The following RANBP2 variants were observed in gnomAD, a reference collection of about 807,000 sequenced individuals.
RANBP2 encodes the protein RAN binding protein 2, also known as E3 SUMO-protein ligase RanBP2.
RANBP2 carries 57 observed loss-of-function variants against 303.6 expected under a neutral mutation model. The ratio of observed to expected loss-of-function variants is 0.19; its 90% confidence interval spans 0.15 to 0.23. The LOEUF is 0.23. Among genes scored for constraint, RANBP2 ranks in the 10% least tolerant of loss-of-function variants. The pLI is 1.00. For synonymous variants in RANBP2, 1,167 were observed against 1,301.5 expected, an observed-to-expected ratio of 0.90 and a Z score of 2.23; for missense variants, 3,138 against 3,780.8, an observed-to-expected ratio of 0.83 and a Z score of 4.46.
chr2:109,286,513 C>T, the RANBP2 span, among the ~76,000 whole-genome samples: 1 of 152,310 alleles, frequency 6.6e-6, no homozygotes, highest in African/African-American at 2.4e-5. Flanking sequence ...CACCTGGGTG[C>T]AGAAGACCAA....
At chr2:109,398,700 C>G in the RANBP2 span, 1 of 1,612,072 alleles carries the variant, frequency 6.2e-7, no homozygotes. Context: ...CCAGCGTGGC[C>G]CCAAGTCCCA....
chr2:109,176,796 T>G, the RANBP2 span, among the ~76,000 whole-genome samples: 1 of 152,140 alleles, frequency 6.6e-6, no homozygotes, highest in Non-Finnish European at 1.5e-5. Flanking sequence ...TGGCAGAAGT[T>G]AGGCTCAGCC....
At chr2:108,948,719 T>C in the RANBP2 span, among the ~76,000 whole-genome samples, 3 of 152,098 alleles carry the variant, frequency 2.0e-5, no homozygotes, top group Non-Finnish European at 2.9e-5. Context: ...GGAAAACTGC[T>C]CCCATGATCC....
At chr2:109,666,577 G>T in the RANBP2 span, among the ~76,000 whole-genome samples, 6 of 152,192 alleles carry the variant, frequency 3.9e-5, no homozygotes, top group Non-Finnish European at 5.9e-5. Flanking sequence ...AATGTACAGT[G>T]TTTGCCCTTG....
the RANBP2 span, among the ~76,000 whole-genome samples, chr2:109,602,177 C>G: frequency 6.6e-6 from 1 of 152,130 alleles, no homozygotes; most frequent in Non-Finnish European, 1.5e-5. Context: ...TAACAATTTT[C>G]TAAGATCCCT....
At chr2:108,883,024 A>G in the RANBP2 span, 1 of 152,230 alleles carries the variant, frequency 6.6e-6, no homozygotes, top group African/African-American at 2.4e-5. Flanking sequence ...ATATAGGAGC[A>G]TCGAGATTAA....
At chr2:109,255,060 C>T in the RANBP2 span, among the ~76,000 whole-genome samples, 1 of 152,128 alleles carries the variant, frequency 6.6e-6, no homozygotes. Context: ...TGCAGTCCTC[C>T]TAAGGCTAAA....
the RANBP2 span, chr2:109,544,664 A>G: frequency 1.1e-6 from 1 of 911,542 alleles, no homozygotes; most frequent in Non-Finnish European, 1.3e-6. Context: ...GAAAAAAGGT[A>G]TTAATAAAAG....
At chr2:109,342,911 C>G in the RANBP2 span, among the ~76,000 whole-genome samples, 86 of 152,286 alleles carry the variant, frequency 5.6e-4, no homozygotes, top group African/African-American at 1.9e-3. Context: ...GTTAATTGTC[C>G]TGTAGGCATC....
intron 18 of RANBP2, 87 bp downstream of exon 18, chr2:108,758,635 T>A: frequency 6.3e-7 from 1 of 1,598,564 alleles, no homozygotes; most frequent in South Asian, 1.1e-5. Flanking sequence ...ATCACCTTGT[T>A]TATATATGTT....
the RANBP2 span, among the ~76,000 whole-genome samples, chr2:109,196,598 T>C: frequency 6.6e-6 from 1 of 151,942 alleles, no homozygotes; most frequent in African/African-American, 2.4e-5. Flanking sequence ...GGATGTGGAG[T>C]TGGCCTTGAA....
the RANBP2 span, chr2:109,593,181 C>T: frequency 3.7e-6 from 4 of 1,073,598 alleles, no homozygotes; most frequent in Non-Finnish European, 5.4e-6. Context: ...ACCCCATTAT[C>T]TGAATAATAT....
At chr2:109,540,558 C>T in the RANBP2 span, among the ~76,000 whole-genome samples, 1 of 151,922 alleles carries the variant, frequency 6.6e-6, no homozygotes, top group South Asian at 2.1e-4. Flanking sequence ...GGCACAATGG[C>T]TCATGCCTGT....
chr2:109,053,987 A>G, the RANBP2 span, among the ~76,000 whole-genome samples: 1 of 152,178 alleles, frequency 6.6e-6, no homozygotes, highest in South Asian at 2.1e-4. Context: ...GCCATCACCA[A>G]GAGACCAGGT....
At chr2:108,802,107 T>C in the RANBP2 span, among the ~76,000 whole-genome samples, 910 of 144,578 alleles carry the variant, frequency 6.3e-3, 4 homozygotes, top group African/African-American at 0.023. Context: ...GACTTGGCGA[T>C]GCGGGCTCTT....
the RANBP2 span, among the ~76,000 whole-genome samples, chr2:109,525,133 C>T: frequency 0.047 from 6,900 of 148,328 alleles, 542 homozygotes; most frequent in African/African-American, 0.16. Flanking sequence ...TATCCCTTGA[C>T]ATCATTTTTG....
At chr2:108,884,349 A>C in the RANBP2 span, 2 of 152,248 alleles carry the variant, frequency 1.3e-5, no homozygotes, top group East Asian at 3.8e-4. Context: ...AACACTCCTC[A>C]GAATGGGAGC....
the RANBP2 span, among the ~76,000 whole-genome samples, chr2:109,657,712 GA>G: frequency 5.6e-4 from 73 of 130,166 alleles, 3 homozygotes; most frequent in Admixed American, 1.3e-3. Flanking sequence ...TGAATTAGCT[GA>G]GTTTTTTTTT....
intron 5 of RANBP2, 128 bp downstream of exon 5, chr2:108,735,890 A>C (rs908808155): frequency 1.1e-5 from 17 of 1,541,928 alleles, no homozygotes; most frequent in Non-Finnish European, 1.4e-5. Context: ...TATAAAATGA[A>C]ATTTTTACCA....
Sources: gnomAD v4.1 joint callset for allele counts (sites outside exome capture counted in the v4.1 genomes callset) on GRCh38, gnomAD v4.1.1 for gene constraint, MANE v1.5 for transcripts, NCBI Gene and HGNC (gene_info 2026-07-23, HGNC 2026-07-21) for gene names.